The following P2RY8 variants were observed in gnomAD, a reference collection of about 807,000 sequenced individuals.
P2RY8 encodes S-geranylgeranyl-glutathione receptor P2RY8.
P2RY8 carries 6 observed loss-of-function variants against 10.0 expected under a neutral mutation model. The observed-to-expected ratio is 0.60, with a 90% CI of 0.33 to 1.19. The LOEUF (loss-of-function observed/expected upper bound fraction) is 1.19, where lower values mean the gene tolerates loss of function less well. Ranked by LOEUF, P2RY8 falls within the 50% of genes most tolerant of loss-of-function variation. The pLI is 0.04. For synonymous variants in P2RY8, 276 were observed against 252.5 expected, an observed-to-expected ratio of 1.09 and a Z score of -0.88; for missense variants, 456 against 542.0, an observed-to-expected ratio of 0.84 and a Z score of 1.58.
intron 1 of P2RY8, among the ~76,000 whole-genome samples, chrX:1,469,458 C>T (rs1257489443): frequency 6.6e-6 from 1 of 152,016 alleles, no homozygotes; most frequent in Admixed American, 6.6e-5. Context: ...TGAGCCACTG[C>T]ACCTGGCCAG....
At chrX:1,504,859 G>A (rs183466075) in intron 1 of P2RY8, among the ~76,000 whole-genome samples, 3 of 152,252 alleles carry the variant, frequency 2.0e-5, no homozygotes, top group Non-Finnish European at 2.9e-5. Flanking sequence ...TTGGCCAGGC[G>A]TGGTGGCTCA....
At chrX:1,519,532 A>G (rs1321953945) in intron 1 of P2RY8, among the ~76,000 whole-genome samples, 1 of 151,730 alleles carries the variant, frequency 6.6e-6, no homozygotes, top group Non-Finnish European at 1.5e-5. Flanking sequence ...TCTGGTCCCA[A>G]TATTCTCTCT....
At chrX:1,479,155 T>C (rs2091908903) in intron 1 of P2RY8, among the ~76,000 whole-genome samples, 1 of 152,242 alleles carries the variant, frequency 6.6e-6, no homozygotes, top group Admixed American at 6.5e-5. Flanking sequence ...GTGTTTGTCT[T>C]TGGATCTTTC....
intron 1 of P2RY8, among the ~76,000 whole-genome samples, chrX:1,480,687 A>G (rs28701488): frequency 0.54 from 81,810 of 151,676 alleles, 22,341 homozygotes; most frequent in South Asian, 0.65. Flanking sequence ...GAGGGGATAG[A>G]GGAGGGAGAG....
intron 1 of P2RY8, among the ~76,000 whole-genome samples, chrX:1,513,759 G>A (rs2092317847): frequency 1.3e-5 from 2 of 150,152 alleles, no homozygotes; most frequent in Admixed American, 1.3e-4. Context: ...AGGCTCTAAG[G>A]GAGGATCCCT....
chrX:1,494,204 G>C (rs2092095360), intron 1 of P2RY8: 1 of 152,286 alleles, frequency 6.6e-6, no homozygotes, highest in Non-Finnish European at 1.5e-5. Flanking sequence ...TCCTGGGCCA[G>C]AGGCGGCTGC....
At chrX:1,534,229 T>C (rs2092507934) in intron 1 of P2RY8, among the ~76,000 whole-genome samples, 1 of 141,908 alleles carries the variant, frequency 7.0e-6, no homozygotes, top group African/African-American at 2.6e-5. Context: ...ATTTATATAT[T>C]ATATATTATT....
At chrX:1,504,818 C>A (rs1414123792) in intron 1 of P2RY8, among the ~76,000 whole-genome samples, 2 of 151,588 alleles carry the variant, frequency 1.3e-5, no homozygotes, top group Admixed American at 6.6e-5. Context: ...GAAACCCTGT[C>A]TCTACTAATA....
chrX:1,532,451 G>GA (rs1476011084), intron 1 of P2RY8, among the ~76,000 whole-genome samples: 51 of 61,392 alleles, frequency 8.3e-4, no homozygotes, highest in Non-Finnish European at 1.9e-3. Context: ...ATATGTATAT[G>GA]TGTATATATA....
At chrX:1,483,020 C>G in intron 1 of P2RY8, among the ~76,000 whole-genome samples, 1 of 151,940 alleles carries the variant, frequency 6.6e-6, no homozygotes, top group Admixed American at 6.6e-5. Flanking sequence ...GTGCAGCACA[C>G]CAACATGGCA....
At chrX:1,506,379 A>G (rs1291413082) in intron 1 of P2RY8, among the ~76,000 whole-genome samples, 6 of 152,176 alleles carry the variant, frequency 3.9e-5, no homozygotes, top group African/African-American at 1.4e-4. Flanking sequence ...AAAAGAAGAC[A>G]GAAGTTTGTG....
chrX:1,483,294 C>T (rs28666020), intron 1 of P2RY8, among the ~76,000 whole-genome samples: 10,445 of 151,932 alleles, frequency 0.069, 676 homozygotes, highest in African/African-American at 0.17. Context: ...TGTTCCTGCC[C>T]GAAGTCAAAG....
intron 1 of P2RY8, among the ~76,000 whole-genome samples, chrX:1,467,832 C>G (rs1178691711): frequency 6.6e-6 from 1 of 151,870 alleles, no homozygotes; most frequent in Non-Finnish European, 1.5e-5. Flanking sequence ...GAGAGTACAA[C>G]CACGCCCAGC....
chrX:1,468,262 C>T (rs770460062), intron 1 of P2RY8, among the ~76,000 whole-genome samples: 65 of 152,334 alleles, frequency 4.3e-4, no homozygotes, highest in African/African-American at 1.4e-3. Context: ...TAACTCTCCA[C>T]GTAGGCAGCA....
At chrX:1,472,308 G>C (rs73182987) in intron 1 of P2RY8, among the ~76,000 whole-genome samples, 21,294 of 151,448 alleles carry the variant, frequency 0.14, 1,912 homozygotes, top group Non-Finnish European at 0.2. Flanking sequence ...CAGAGAGAAG[G>C]CATGGAAAGA....
chrX:1,500,232 T>C (rs2092164475), intron 1 of P2RY8, among the ~76,000 whole-genome samples: 1 of 152,002 alleles, frequency 6.6e-6, no homozygotes, highest in Non-Finnish European at 1.5e-5. Flanking sequence ...CTAACTGTTT[T>C]ATTCTTTTTG....
rs776738311 is a variant in P2RY8, at chrX:1,523,139, T to TA, written c.-25+13781dup. ...TAAATAAAACAAAAATTGAAAAAAA[T>TA]AAAAAAAAGATATAGCAAATAGTTT... On this transcript the variant is annotated intron_variant, in intron 1 of 1. Coordinates refer to ENST00000381297, the MANE Select transcript of P2RY8 (RefSeq NM_178129.5). Among the ~76,000 whole-genome samples the TA allele has an allele frequency of 2.9e-3, 430 of 148,430 alleles. 1 individual carries two copies. The highest frequency in any genetic ancestry group is 5.0e-3 in the Non-Finnish European group (333 of 66,742).
chrX:1,521,645 G>A (rs1433659174), intron 1 of P2RY8, among the ~76,000 whole-genome samples: 5 of 152,200 alleles, frequency 3.3e-5, no homozygotes, highest in Admixed American at 6.6e-5. Context: ...AATGTGGACC[G>A]TCAGTCATTT....
intron 1 of P2RY8, among the ~76,000 whole-genome samples, chrX:1,478,712 T>C (rs1378399069): frequency 5.9e-5 from 9 of 152,096 alleles, no homozygotes; most frequent in African/African-American, 2.2e-4. Flanking sequence ...ACTCCTGACC[T>C]TATGATCCAC....
Sources: allele counts gnomAD v4.1 joint callset (sites outside exome capture counted in the v4.1 genomes callset), GRCh38; gene constraint gnomAD v4.1.1; transcripts MANE v1.5; gene names NCBI Gene and HGNC (gene_info 2026-07-23, HGNC 2026-07-21).